PCLO: variants seen among roughly 807,000 people sequenced by gnomAD.
The protein encoded by PCLO is piccolo presynaptic cytomatrix protein, also known as protein piccolo.
PCLO carries 82 observed loss-of-function variants against 427.5 expected under a neutral mutation model. The ratio of observed to expected loss-of-function variants is 0.19; its 90% CI spans 0.16 to 0.23. The LOEUF is 0.23. Ranked by LOEUF, PCLO falls within the 10% of genes least tolerant of loss-of-function variation. The pLI is 1.00. For synonymous variants in PCLO, 2,357 were observed against 2,155.4 expected, an observed-to-expected ratio of 1.09 and a Z score of -2.59; for missense variants, 6,239 against 6,115.9, an observed-to-expected ratio of 1.02 and a Z score of -0.67.
chr7:83,031,920 G>A (rs1788679785), intron 3 of PCLO, among the ~76,000 whole-genome samples: 1 of 151,992 alleles, frequency 6.6e-6, no homozygotes, highest in Admixed American at 6.6e-5. Context: ...ACCCTTTTCA[G>A]GACTACCCTT....
chr7:83,096,883 AT>A (rs1790567235), intron 3 of PCLO, among the ~76,000 whole-genome samples: 1 of 57,942 alleles, frequency 1.7e-5, no homozygotes, highest in East Asian at 7.0e-4. Flanking sequence ...ATATAAATAT[AT>A]TATATAATAT....
rs368295590 is a variant in PCLO, at chr7:82,916,529, T to C, written c.11457A>G (p.Arg3819=). ...KEALLKEREK[R]ERAYLQGVAE... is the part of the protein sequence containing the mutation. ...CTACTCCCTGGAGGTAGGCTCGTTC[T>C]CTCTTTTCTCTCTCCTTTAATAGGG... The change falls in exon 7 of 25, where the codon AGA becomes AGG. Residue 3819 remains arginine (R), a synonymous_variant. Transcript: ENST00000333891. The C allele has an allele frequency of 5.3e-5, 85 of 1,613,632 alleles. 2 individuals carry two copies. In the East Asian group the frequency reaches 9.4e-4, roughly 18 times the overall value.
chr7:83,001,213 G>T (rs902483224), intron 3 of PCLO, among the ~76,000 whole-genome samples: 1 of 151,810 alleles, frequency 6.6e-6, no homozygotes, highest in Non-Finnish European at 1.5e-5. Flanking sequence ...TGGAAACCAC[G>T]GTCCTATGGT....
At chr7:83,043,876 AAGAG>A (rs1277098791) in intron 3 of PCLO, among the ~76,000 whole-genome samples, 1 of 151,700 alleles carries the variant, frequency 6.6e-6, no homozygotes, top group Admixed American at 6.6e-5. Context: ...AGAAGCAAAA[AAGAG>A]AGCCTTAACT....
intron 18 of PCLO, among the ~76,000 whole-genome samples, chr7:82,824,761 G>A (rs1201052353): frequency 6.6e-6 from 1 of 151,334 alleles, no homozygotes; most frequent in Non-Finnish European, 1.5e-5. Context: ...ATCTTACACG[G>A]TGAAATCCCG....
intron 6 of PCLO, among the ~76,000 whole-genome samples, chr7:82,930,990 G>C (rs967458364): frequency 1.3e-5 from 2 of 152,100 alleles, no homozygotes; most frequent in African/African-American, 4.8e-5. Flanking sequence ...TGGGAACAGA[G>C]ATAAAAGAAA....
intron 20 of PCLO, among the ~76,000 whole-genome samples, chr7:82,806,074 T>C (rs570457621): frequency 2.2e-4 from 33 of 152,184 alleles, no homozygotes; most frequent in Non-Finnish European, 4.4e-4. Context: ...ACACATTTAA[T>C]TTTTAGACCA....
rs536546720 is a variant in PCLO at position 82,968,613 on chromosome 7, G to A, written c.3301-2126C>T. 4.4e-4 allele frequency among the ~76,000 whole-genome samples: 67 copies of A among 150,596 alleles called. No homozygotes were observed. In the South Asian group the frequency reaches 0.012, roughly 28 times the overall value. On this transcript the variant is annotated intron_variant, in intron 3 of 24. Transcript: ENST00000333891. Reference sequence around the variant, plus strand: ...TGGTTCACTGCAATCTCTGCCGCCCGGGTTCAAGAAATTCTCCTGCCTCAG... The same window carrying A: ...TGGTTCACTGCAATCTCTGCCGCCCAGGTTCAAGAAATTCTCCTGCCTCAG...
At chr7:82,869,676 T>C (rs1307279219) in intron 10 of PCLO, among the ~76,000 whole-genome samples, 1 of 152,016 alleles carries the variant, frequency 6.6e-6, no homozygotes, top group Non-Finnish European at 1.5e-5. Context: ...GATCTGTGCA[T>C]GCCTTTTAAA....
At chr7:82,841,827 T>C (rs1792374822) in intron 13 of PCLO, among the ~76,000 whole-genome samples, 1 of 152,110 alleles carries the variant, frequency 6.6e-6, no homozygotes, top group Admixed American at 6.6e-5. Flanking sequence ...CTACAGGTTT[T>C]AAAGATCTAT....
chr7:83,083,241 C>A (rs560773529), intron 3 of PCLO, among the ~76,000 whole-genome samples: 82 of 151,916 alleles, frequency 5.4e-4, no homozygotes, highest in Middle Eastern at 3.4e-3. Flanking sequence ...AATTATGTTA[C>A]AACTAAATGT....
chr7:82,955,668 G>A lies in PCLO; in HGVS notation c.5285C>T (p.Pro1762Leu), dbSNP rs772790704. ...SKQQRKARHR[P>L]HGPLLPTIED... ...AATAGTAGGCAAAAGAGGGCCATGTGGTCTGTGCCGAGCTTTGCGTTGCTG... is the reference window on the plus strand; with the variant it reads ...AATAGTAGGCAAAAGAGGGCCATGTAGTCTGTGCCGAGCTTTGCGTTGCTG... The change falls in exon 5 of 25, where the codon CCA becomes CTA. Residue 1762 changes from proline (P) to leucine (L), a missense_variant. Around this residue, in one of 5 missense-constraint regions of PCLO, gnomAD observed 4,677 missense variants for 4,468.4 expected, o/e 1.05. Coordinates refer to ENST00000333891, the MANE Select transcript of PCLO (RefSeq NM_033026.6). 1 of 1,613,860 alleles carries A rather than the reference G, an allele frequency of 6.2e-7. No homozygotes were observed. Among genetic ancestry groups the A allele is most frequent in the Non-Finnish European group, 8.5e-7 (1 of 1,179,864 alleles).
chr7:82,977,265 C>A (rs1473123548), intron 3 of PCLO, among the ~76,000 whole-genome samples: 1 of 151,720 alleles, frequency 6.6e-6, no homozygotes, highest in Non-Finnish European at 1.5e-5. Flanking sequence ...TAATACTACA[C>A]ACTTTTTTAT....
At chr7:83,052,993 T>C (rs1171955318) in intron 3 of PCLO, among the ~76,000 whole-genome samples, 3 of 151,960 alleles carry the variant, frequency 2.0e-5, no homozygotes, top group Admixed American at 2.0e-4. Flanking sequence ...CCAAATAATA[T>C]CCTACTTATA....
chr7:82,999,020 A>C (rs1280774845), intron 3 of PCLO, among the ~76,000 whole-genome samples: 1 of 151,052 alleles, frequency 6.6e-6, no homozygotes, highest in Non-Finnish European at 1.5e-5. Context: ...GGGATAAAAA[A>C]AACACTGTAA....
intron 3 of PCLO, among the ~76,000 whole-genome samples, chr7:83,126,298 T>A (rs955789684): frequency 1.3e-4 from 20 of 152,114 alleles, no homozygotes; most frequent in African/African-American, 4.8e-4. Context: ...ATGAATCAGA[T>A]TTAGTATCTG....
intron 3 of PCLO, among the ~76,000 whole-genome samples, chr7:83,124,073 T>C (rs1484896748): frequency 1.3e-5 from 2 of 150,916 alleles, no homozygotes; most frequent in Non-Finnish European, 2.9e-5. Context: ...CTTCAGTACT[T>C]TGGGAGGCGG....
At chr7:82,759,251 T>G (rs1021459078) in intron 24 of PCLO, among the ~76,000 whole-genome samples, 3 of 151,868 alleles carry the variant, frequency 2.0e-5, no homozygotes, top group African/African-American at 7.2e-5. Flanking sequence ...CTAAAGAATT[T>G]TTTTTTTTCA....
At chr7:82,942,913 A>G (rs1009537471) in intron 6 of PCLO, among the ~76,000 whole-genome samples, 9 of 152,094 alleles carry the variant, frequency 5.9e-5, no homozygotes, top group African/African-American at 2.2e-4. Flanking sequence ...AAACAGTTTT[A>G]AAGTTAGTTT....
Sources: allele counts gnomAD v4.1 joint callset (sites outside exome capture counted in the v4.1 genomes callset), GRCh38; gene constraint gnomAD v4.1.1; regional missense constraint gnomAD v4.1.1; transcripts MANE v1.5; gene names NCBI Gene and HGNC (gene_info 2026-07-23, HGNC 2026-07-21).